The following SEPTIN8 variants were observed in gnomAD, a reference collection of about 807,000 sequenced individuals.
SEPTIN8 encodes septin-8.
In SEPTIN8, 22 loss-of-function variants were observed where a neutral mutation model predicts 53.1. That is an observed-to-expected ratio of 0.41 (90% CI 0.30 to 0.59). The LOEUF (loss-of-function observed/expected upper bound fraction) is 0.59. Ranked by LOEUF, SEPTIN8 falls within the 20% of genes least tolerant of loss-of-function variation. SEPTIN8 has a pLI of 0.24. For missense variants in SEPTIN8, 536 were observed against 638.7 expected, an observed-to-expected ratio of 0.84 and a Z score of 1.73; for synonymous variants, 228 against 248.4, an observed-to-expected ratio of 0.92 and a Z score of 0.77.
chr5:132,761,523 G>C lies in SEPTIN8; in HGVS notation c.897C>G (p.Leu299=). 1.9e-6 allele frequency: 3 copies of C among 1,613,862 alleles called. No individual in the cohort carries two copies. The highest frequency in any genetic ancestry group is 2.5e-6 in the Non-Finnish European group (3 of 1,180,004). ...TCTCCTCCAACTTGCAGCGCCGGTA[G>C]AGCTCGTAGTGCCGGCTGTGGGTCT... ...REQTHSRHYE[L]YRRCKLEEMG... Residue 299 remains leucine (L), a synonymous_variant, in exon 7 of 10, where the codon CTC becomes CTG. Coordinates refer to ENST00000378719, the MANE Select transcript of SEPTIN8 (RefSeq NM_001098811.2). The surrounding 1 kb of genome is among the most constrained non-coding windows in gnomAD (Gnocchi z 5.8).
chr5:132,772,653 G>T (rs978135092), intron 1 of SEPTIN8, among the ~76,000 whole-genome samples: 3 of 152,210 alleles, frequency 2.0e-5, no homozygotes, highest in South Asian at 2.1e-4. Flanking sequence ...ACCCCACGAT[G>T]GATGCCAGTG....
Position 132,751,005 on chromosome 5 carries a change from A to G in SEPTIN8, c.*1011T>C. The G allele has an allele frequency of 6.2e-7, 1 of 1,612,248 alleles. No homozygotes were observed. The highest frequency in any genetic ancestry group is 8.5e-7 in the Non-Finnish European group (1 of 1,179,550). ...CTGGACTTCTTGACTATAGTGAGTA[A>G]GGAGGTGTTTACAGAGTCTACCCTA... On this transcript the variant is annotated 3_prime_UTR_variant, in exon 10 of 10. Transcript: ENST00000378719.
intron 9 of SEPTIN8, chr5:132,756,640 G>A (rs1755367036): frequency 2.0e-6 from 2 of 985,438 alleles, no homozygotes; most frequent in African/African-American, 3.5e-5. Context: ...AACACAAACA[G>A]CAGGGGAGAG....
At position 132,758,715 on chromosome 5, in the gene SEPTIN8, T is replaced by A; in HGVS notation, c.1286+2087A>T. 5.0e-6 allele frequency: 8 copies of A among 1,609,110 alleles called. No homozygotes were observed. The South Asian group carries it at 7.7e-5, about 16-fold the overall frequency. ...CACTGGAGTCTGTACCGGCTCCCAG[T>A]CCGTCCTCACACCATGTTATGGGAG... On this transcript the variant is annotated intron_variant, in intron 9 of 9. Transcript: ENST00000378719.
rs762621813 is a variant in SEPTIN8 at position 132,761,024 on chromosome 5, G to A, written c.1096-32C>T. ...TCAGAAAGGGGGCAGAAGATGCGGG[G>A]AGCAAGAGGAGGGCTTGAGCCTGGG... On this transcript the variant is annotated intron_variant, in intron 8 of 9. Coordinates refer to ENST00000378719, the MANE Select transcript of SEPTIN8 (RefSeq NM_001098811.2). The surrounding 1 kb of genome is among the most constrained non-coding windows in gnomAD (Gnocchi z 5.8). 1.9e-6 allele frequency: 3 copies of A among 1,587,588 alleles called. No homozygotes were observed. The highest frequency in any genetic ancestry group is 1.7e-6 in the Non-Finnish European group (2 of 1,166,112).
intron 9 of SEPTIN8, chr5:132,758,750 A>C: frequency 6.2e-7 from 1 of 1,613,990 alleles, no homozygotes; most frequent in Non-Finnish European, 8.5e-7. Flanking sequence ...GAAGGGTCAC[A>C]AGGTGTAACT....
chr5:132,758,123 C>G (rs1755514952), intron 9 of SEPTIN8: 1 of 1,021,540 alleles, frequency 9.8e-7, no homozygotes, highest in African/African-American at 1.7e-5. Flanking sequence ...CAATTCCATC[C>G]ATAAAGAAAT....
Position 132,751,452 on chromosome 5 carries a change from T to G in SEPTIN8, c.*564A>C. 1 of 182,046 alleles carries G rather than the reference T, an allele frequency of 5.5e-6. No homozygotes were observed. 11.3% of individuals were successfully genotyped at this position (182,046 alleles called of 1,614,324 possible). ...ATATCATACATTAGTTTGTATTTGT[T>G]TTAGTTGGGGGAATGATGGTCATCC... is the stretch of plus-strand genomic sequence containing the variant. On this transcript the variant is annotated 3_prime_UTR_variant, in exon 10 of 10. Transcript: ENST00000378719.
intron 1 of SEPTIN8, among the ~76,000 whole-genome samples, chr5:132,769,568 C>T (rs924329730): frequency 1.3e-5 from 2 of 152,122 alleles, no homozygotes; most frequent in Non-Finnish European, 2.9e-5. Flanking sequence ...GCTTGCTTTG[C>T]GCAACCCTAA....
intron 2 of SEPTIN8, 105 bp from the exon 3 acceptor site, chr5:132,764,524 T>A: frequency 1.1e-6 from 1 of 912,806 alleles, no homozygotes; most frequent in Non-Finnish European, 1.6e-6. Flanking sequence ...CCATGGCCCC[T>A]GGATAAGAGA....
At chr5:132,772,008 T>C (rs73265319) in intron 1 of SEPTIN8, among the ~76,000 whole-genome samples, 20,541 of 151,866 alleles carry the variant, frequency 0.14, 4,494 homozygotes, top group African/African-American at 0.46. Context: ...ACAGAAAACT[T>C]GAGAGAAGAT....
In SEPTIN8 at chr5:132,751,034, T is replaced by A; in HGVS notation, c.*982A>T. 1 of 1,604,552 alleles carries A rather than the reference T, an allele frequency of 6.2e-7. No homozygotes were observed. The highest frequency in any genetic ancestry group is 2.2e-5 in the East Asian group (1 of 44,828). ...GGTGTTTACAGAGTCTACCCTAAAC[T>A]CGTTTGTGCCTTTGGAACAGCTGTT... On this transcript the variant is annotated 3_prime_UTR_variant, in exon 10 of 10. Coordinates refer to ENST00000378719, the MANE Select transcript of SEPTIN8 (RefSeq NM_001098811.2).
In SEPTIN8 at chr5:132,776,508, C is replaced by T. The variant is rs966220250; in HGVS notation, c.30+600G>A. Among the ~76,000 whole-genome samples, 3 of 152,320 alleles carry T rather than the reference C, an allele frequency of 2.0e-5. No individual in the cohort carries two copies. Among genetic ancestry groups the T allele is most frequent in the Non-Finnish European group, 2.9e-5 (2 of 68,030 alleles). On this transcript the variant is annotated intron_variant, in intron 1 of 9. Coordinates refer to ENST00000378719, the MANE Select transcript of SEPTIN8 (RefSeq NM_001098811.2). The surrounding 1 kb of genome is among the most constrained non-coding windows in gnomAD (Gnocchi z 4.4). ...GCTCCTGGCGAATGGCTGCCGCAGA[C>T]CCGACCACTGAGGCCTGACCTGCCT...
chr5:132,752,282 C>CT (rs781436328), intron 9 of SEPTIN8, 101 bp from the exon 10 acceptor site: 4 of 1,379,966 alleles, frequency 2.9e-6, no homozygotes, highest in Non-Finnish European at 3.9e-6. Context: ...ACCCTTTGCC[C>CT]TTGTAGCCTC....
chr5:132,754,560 T>C (rs1187239654), intron 9 of SEPTIN8: 3 of 717,142 alleles, frequency 4.2e-6, no homozygotes, highest in East Asian at 5.4e-5. Flanking sequence ...GTCCTAGGAC[T>C]GGGGTAAGAG....
In SEPTIN8 at chr5:132,764,368, G is replaced by A. The variant is rs1448331534; in HGVS notation, c.203C>T (p.Thr68Ile). 9.9e-6 allele frequency: 16 copies of A among 1,614,188 alleles called. No individual in the cohort carries two copies. The highest frequency in any genetic ancestry group is 3.3e-5 in the South Asian group (3 of 91,080). Residue 68 changes from threonine to isoleucine, a missense_variant, in exon 3 of 10, where the codon ACC becomes ATC. Around this residue, in one of 3 missense-constraint regions of SEPTIN8, gnomAD observed 395 missense variants for 451.8 expected, o/e 0.87. Transcript: ENST00000378719. ...STLMNTLFNT[T>I]FETEEASHHE... ...GTGACTGGCTTCCTCAGTCTCGAAG[G>A]TCGTGTTGAAGAGTGTGTTCATCAG... is the stretch of plus-strand genomic sequence containing the variant.
intron 9 of SEPTIN8, among the ~76,000 whole-genome samples, chr5:132,755,242 T>G (rs112276631): frequency 3.5e-4 from 54 of 152,204 alleles, no homozygotes; most frequent in African/African-American, 1.3e-3. Context: ...TGGAGAAAGC[T>G]CCTTAAAAAA....
chr5:132,751,844 TGA>T lies in SEPTIN8; in HGVS notation c.*170_*171del. 1 of 1,203,190 alleles carries T rather than the reference TGA, an allele frequency of 8.3e-7. No individual in the cohort carries two copies. Among genetic ancestry groups the T allele is most frequent in the Non-Finnish European group, 1.2e-6 (1 of 864,026 alleles). 74.5% of individuals were successfully genotyped at this position (1,203,190 alleles called of 1,614,324 possible). ...CCCCTTACGGAGCCATGGATAGGAA[TGA>T]AAAGGGTTGGGCAACATTTGATGTT... On this transcript the variant is annotated 3_prime_UTR_variant, in exon 10 of 10. Coordinates refer to ENST00000378719, the MANE Select transcript of SEPTIN8 (RefSeq NM_001098811.2).
In SEPTIN8 at chr5:132,767,137, CA is replaced by C. The variant is rs971285020; in HGVS notation, c.31-1609del. Among the ~76,000 whole-genome samples the C allele has an allele frequency of 2.4e-4, 37 of 152,170 alleles. 1 individual carries two copies. Among genetic ancestry groups the C allele is most frequent in the Non-Finnish European group, 1.9e-4 (13 of 68,028 alleles). On this transcript the variant is annotated intron_variant, in intron 1 of 9. Coordinates refer to ENST00000378719, the MANE Select transcript of SEPTIN8 (RefSeq NM_001098811.2). The stretch of plus-strand genomic sequence containing the variant: ...ACCCTTTCTCCCCATCACCTAGCCC[CA>C]AAGCATCATGTCCCAATCTCCCCAC...
Sources: gnomAD v4.1 joint callset for allele counts (sites outside exome capture counted in the v4.1 genomes callset) on GRCh38, gnomAD v4.1.1 for gene constraint, gnomAD v4.1.1 regional missense constraint, Gnocchi (gnomAD v3.1) non-coding constraint, MANE v1.5 for transcripts, NCBI Gene and HGNC (gene_info 2026-07-23, HGNC 2026-07-21) for gene names.